RALYL: variants seen among roughly 807,000 people sequenced by gnomAD.
RALYL encodes RNA-binding Raly-like protein.
In RALYL, 29 loss-of-function variants were observed where a neutral mutation model predicts 35.1. That is an observed-to-expected ratio of 0.83 (90% confidence interval 0.61 to 1.13). The LOEUF is 1.13. RALYL is among the 50% of genes most tolerant of loss of function. The probability of loss-of-function intolerance (pLI) is 0.00; values close to 1 mark genes in which losing one functional copy is unlikely to be tolerated. For synonymous variants in RALYL, 120 were observed against 127.6 expected, an observed-to-expected ratio of 0.94 and a Z score of 0.40; for missense variants, 359 against 360.4, an observed-to-expected ratio of 1.00 and a Z score of 0.03.
intron 1 of RALYL, among the ~76,000 whole-genome samples, chr8:84,203,306 G>A (rs1817342379): frequency 6.6e-6 from 1 of 150,606 alleles, no homozygotes; most frequent in African/African-American, 2.4e-5. Context: ...TCTCACTTGA[G>A]TGAATCACTA....
At chr8:84,601,578 ACAGATG>A (rs957953933) in intron 2 of RALYL, among the ~76,000 whole-genome samples, 3 of 151,902 alleles carry the variant, frequency 2.0e-5, no homozygotes, top group Non-Finnish European at 4.4e-5. Flanking sequence ...GCCTTTGAAC[ACAGATG>A]CAGTGGCCAT....
chr8:84,714,865 A>G (rs1025664997), intron 2 of RALYL, among the ~76,000 whole-genome samples: 90 of 151,964 alleles, frequency 5.9e-4, no homozygotes, highest in East Asian at 5.8e-4. Flanking sequence ...TAGGGCTGTT[A>G]CAGTTAACCA....
At chr8:84,574,225 CT>C (rs1330595895) in intron 2 of RALYL, among the ~76,000 whole-genome samples, 1 of 152,002 alleles carries the variant, frequency 6.6e-6, no homozygotes, top group African/African-American at 2.4e-5. Context: ...CTTCTAATGT[CT>C]TTCCTTAATT....
intron 2 of RALYL, among the ~76,000 whole-genome samples, chr8:84,598,914 T>G (rs1588429627): frequency 6.6e-6 from 1 of 152,278 alleles, no homozygotes; most frequent in East Asian, 1.9e-4. Flanking sequence ...TGGTTCTCTC[T>G]CCACGTTCTA....
At chr8:84,408,690 G>T (rs1055601242) in intron 1 of RALYL, among the ~76,000 whole-genome samples, 1 of 152,268 alleles carries the variant, frequency 6.6e-6, no homozygotes, top group Middle Eastern at 3.4e-3. Context: ...AACCATGGAC[G>T]CTTGTTCATC....
At chr8:84,831,276 T>C (rs1207406233) in intron 4 of RALYL, among the ~76,000 whole-genome samples, 2 of 152,148 alleles carry the variant, frequency 1.3e-5, no homozygotes, top group Non-Finnish European at 2.9e-5. Flanking sequence ...AGACAAAAGG[T>C]AAAATCGAAC....
intron 2 of RALYL, among the ~76,000 whole-genome samples, chr8:84,705,600 T>C (rs1423159106): frequency 6.6e-6 from 1 of 152,360 alleles, no homozygotes; most frequent in East Asian, 1.9e-4. Context: ...TTCAGTATTC[T>C]ATAGTGGTTA....
chr8:84,810,488 T>C (rs1825669253), intron 4 of RALYL, among the ~76,000 whole-genome samples: 1 of 152,206 alleles, frequency 6.6e-6, no homozygotes, highest in Non-Finnish European at 1.5e-5. Flanking sequence ...GTTCTGTATA[T>C]ATCTGTTAAG....
chr8:84,820,254 C>A (rs1303272845), intron 4 of RALYL, among the ~76,000 whole-genome samples: 1 of 152,144 alleles, frequency 6.6e-6, no homozygotes, highest in Admixed American at 6.6e-5. Context: ...TTATGAGAAA[C>A]CCTTTAAAAT....
At chr8:84,614,589 G>T (rs1353309660) in intron 2 of RALYL, among the ~76,000 whole-genome samples, 1 of 151,594 alleles carries the variant, frequency 6.6e-6, no homozygotes, top group African/African-American at 2.4e-5. Context: ...AAGAACCTTA[G>T]AAGTGAATTA....
intron 2 of RALYL, among the ~76,000 whole-genome samples, chr8:84,621,161 G>A (rs571618848): frequency 6.6e-6 from 1 of 152,314 alleles, no homozygotes; most frequent in African/African-American, 2.4e-5. Flanking sequence ...AAGCACGCCT[G>A]GGCAATGGTG....
chr8:84,395,080 A>G (rs1861498253), intron 1 of RALYL, among the ~76,000 whole-genome samples: 1 of 151,864 alleles, frequency 6.6e-6, no homozygotes, highest in African/African-American at 2.4e-5. Context: ...TATTACCATA[A>G]CTCATAGACA....
intron 1 of RALYL, among the ~76,000 whole-genome samples, chr8:84,518,872 A>G (rs2058254095): frequency 6.6e-6 from 1 of 152,184 alleles, no homozygotes. Context: ...CAAGAATAGA[A>G]TGGACCTATT....
At chr8:84,782,470 T>C (rs150365292) in intron 3 of RALYL, among the ~76,000 whole-genome samples, 3 of 152,348 alleles carry the variant, frequency 2.0e-5, no homozygotes, top group African/African-American at 7.2e-5. Flanking sequence ...TTTCACATCA[T>C]TCTTACAGTT....
At chr8:84,250,468 C>T (rs1233832457) in intron 1 of RALYL, among the ~76,000 whole-genome samples, 2 of 151,772 alleles carry the variant, frequency 1.3e-5, no homozygotes, top group South Asian at 2.1e-4. Context: ...TGGGTTCAAG[C>T]GATTCTTCTG....
chr8:84,641,061 A>G (rs763642056), intron 2 of RALYL, among the ~76,000 whole-genome samples: 13 of 151,586 alleles, frequency 8.6e-5, no homozygotes, highest in Non-Finnish European at 1.2e-4. Flanking sequence ...CATAACCAGT[A>G]ATTTTATTTT....
At chr8:84,849,912 C>T in intron 4 of RALYL, 68 bp from the exon 5 acceptor site, 1 of 838,990 alleles carries the variant, frequency 1.2e-6, no homozygotes, top group Non-Finnish European at 1.8e-6. Context: ...GCTATAACAT[C>T]ATAAGTTAAT....
intron 4 of RALYL, among the ~76,000 whole-genome samples, chr8:84,815,941 G>A (rs1827167371): frequency 6.8e-6 from 1 of 146,932 alleles, no homozygotes; most frequent in South Asian, 2.1e-4. Flanking sequence ...GGTTGAGGCA[G>A]CAGAATCATC....
chr8:84,868,105 G>A (rs979305616), intron 6 of RALYL, among the ~76,000 whole-genome samples: 2 of 152,168 alleles, frequency 1.3e-5, no homozygotes, highest in African/African-American at 2.4e-5. Context: ...TGGGCAGTGG[G>A]GGGTAGGAGG....
Sources: allele counts gnomAD v4.1 joint callset (sites outside exome capture counted in the v4.1 genomes callset), GRCh38; gene constraint gnomAD v4.1.1; transcripts MANE v1.5; gene names NCBI Gene and HGNC (gene_info 2026-07-23, HGNC 2026-07-21).